THSD7B: variants seen among roughly 807,000 people sequenced by gnomAD.
THSD7B encodes the protein thrombospondin type 1 domain containing 7B.
A neutral mutation model predicts 213.6 loss-of-function variants in THSD7B; 138 were observed. The ratio of observed to expected loss-of-function variants is 0.65; its 90% CI spans 0.56 to 0.74. The LOEUF (loss-of-function observed/expected upper bound fraction) is 0.74, where lower values mean the gene tolerates loss of function less well. Among genes scored for constraint, THSD7B ranks in the 30% least tolerant of loss-of-function variants. The probability of loss-of-function intolerance (pLI) is 0.00; values close to 1 mark genes in which losing one functional copy is unlikely to be tolerated. For missense variants in THSD7B, 1,931 were observed against 1,991.5 expected (o/e 0.97, Z 0.58); for synonymous variants, 742 against 687.0 (o/e 1.08, Z -1.25).
chr2:137,132,325 A>G (rs1278636795), intron 5 of THSD7B, among the ~76,000 whole-genome samples: 8 of 151,434 alleles, frequency 5.3e-5, no homozygotes, highest in African/African-American at 1.9e-4. Context: ...GTCGTCTGCA[A>G]ACAGGGACAA....
intron 2 of THSD7B, among the ~76,000 whole-genome samples, chr2:136,989,960 T>G (rs1685739010): frequency 6.6e-6 from 1 of 152,234 alleles, no homozygotes; most frequent in African/African-American, 2.4e-5. Context: ...CTTGATGCTT[T>G]CTTTCTTTAT....
intron 2 of THSD7B, among the ~76,000 whole-genome samples, chr2:136,978,079 G>A (rs574212809): frequency 5.9e-5 from 9 of 152,250 alleles, no homozygotes; most frequent in African/African-American, 7.2e-5. Context: ...GATTACAGGC[G>A]TGAGCCACTG....
intron 13 of THSD7B, 120 bp downstream of exon 13, chr2:137,405,927 G>A (rs183404826): frequency 7.2e-5 from 57 of 786,218 alleles, no homozygotes; most frequent in Admixed American, 1.3e-4. Context: ...CTCTCCATTC[G>A]TTAATACATA....
intron 12 of THSD7B, among the ~76,000 whole-genome samples, chr2:137,340,138 A>T (rs1485244827): frequency 6.6e-6 from 1 of 151,880 alleles, no homozygotes; most frequent in East Asian, 1.9e-4. Flanking sequence ...TTTTATCTTG[A>T]ACTGAGATTC....
intron 21 of THSD7B, among the ~76,000 whole-genome samples, chr2:137,650,321 G>T (rs894393515): frequency 1.3e-5 from 2 of 151,972 alleles, no homozygotes; most frequent in Non-Finnish European, 2.9e-5. Context: ...TGATTTGCAG[G>T]TGTTTTATAT....
intron 5 of THSD7B, among the ~76,000 whole-genome samples, chr2:137,129,609 T>A (rs1688691499): frequency 6.6e-6 from 1 of 151,852 alleles, no homozygotes; most frequent in South Asian, 2.1e-4. Context: ...CTAGCTAATT[T>A]AAAAAAATAG....
intron 21 of THSD7B, among the ~76,000 whole-genome samples, chr2:137,652,538 A>T (rs898402602): frequency 6.6e-6 from 1 of 152,116 alleles, no homozygotes; most frequent in Non-Finnish European, 1.5e-5. Context: ...TTAAATGGAA[A>T]ATTGAGTCTA....
chr2:137,426,554 A>G (rs529300234), intron 14 of THSD7B, among the ~76,000 whole-genome samples: 104 of 152,322 alleles, frequency 6.8e-4, no homozygotes, highest in African/African-American at 2.4e-3. Flanking sequence ...CAAAGTTACC[A>G]AGAATACACA....
chr2:137,554,270 C>A (rs79603542), intron 15 of THSD7B, among the ~76,000 whole-genome samples: 5,637 of 152,138 alleles, frequency 0.037, 168 homozygotes, highest in Admixed American at 0.083. Flanking sequence ...TTCAATTCAA[C>A]CAATATTTAT....
At chr2:137,264,009 TC>T (rs1322388001) in intron 10 of THSD7B, among the ~76,000 whole-genome samples, 1 of 152,244 alleles carries the variant, frequency 6.6e-6, no homozygotes, top group Non-Finnish European at 1.5e-5. Context: ...AAGTTTCACT[TC>T]TGCTGCACTG....
At chr2:137,581,402 A>G (rs1681571947) in intron 17 of THSD7B, among the ~76,000 whole-genome samples, 1 of 152,132 alleles carries the variant, frequency 6.6e-6, no homozygotes, top group African/African-American at 2.4e-5. Context: ...AGCCTTCCCA[A>G]CATGGCAAAA....
At chr2:136,985,672 G>A (rs536924092) in intron 2 of THSD7B, among the ~76,000 whole-genome samples, 2 of 152,342 alleles carry the variant, frequency 1.3e-5, no homozygotes, top group South Asian at 4.1e-4. Context: ...TGAGGCTGGA[G>A]CCCCCACACA....
intron 15 of THSD7B, among the ~76,000 whole-genome samples, chr2:137,554,082 T>A (rs182833570): frequency 4.6e-5 from 7 of 151,708 alleles, no homozygotes; most frequent in Non-Finnish European, 7.4e-5. Context: ...AATGACATAG[T>A]GAGATTGCTG....
At chr2:137,205,692 T>C (rs985302220) in intron 7 of THSD7B, among the ~76,000 whole-genome samples, 2 of 152,080 alleles carry the variant, frequency 1.3e-5, no homozygotes, top group Non-Finnish European at 1.5e-5. Context: ...ATCGAGGTGA[T>C]GGAAACAGCT....
intron 7 of THSD7B, among the ~76,000 whole-genome samples, chr2:137,179,519 A>G (rs1472970648): frequency 6.6e-6 from 1 of 152,068 alleles, no homozygotes; most frequent in Non-Finnish European, 1.5e-5. Flanking sequence ...AAAAGTAATC[A>G]GAGGTTTACA....
At chr2:137,427,587 A>G (rs908869633) in intron 14 of THSD7B, among the ~76,000 whole-genome samples, 1 of 152,118 alleles carries the variant, frequency 6.6e-6, no homozygotes, top group South Asian at 2.1e-4. Flanking sequence ...TAAGCCAGAC[A>G]CAGAAAGACA....
chr2:137,556,081 G>T (rs1290228470), intron 15 of THSD7B, among the ~76,000 whole-genome samples: 4 of 152,170 alleles, frequency 2.6e-5, no homozygotes, highest in Non-Finnish European at 4.4e-5. Flanking sequence ...GTACGTAAAA[G>T]TGATGGAGAG....
intron 2 of THSD7B, among the ~76,000 whole-genome samples, chr2:136,957,028 A>T (rs1305556235): frequency 1.3e-5 from 2 of 151,964 alleles, no homozygotes; most frequent in Non-Finnish European, 2.9e-5. Flanking sequence ...GATCTGGCCC[A>T]CCCAACGTTC....
At chr2:137,425,908 A>G (rs1447567702) in intron 14 of THSD7B, among the ~76,000 whole-genome samples, 2 of 152,342 alleles carry the variant, frequency 1.3e-5, no homozygotes, top group East Asian at 1.9e-4. Flanking sequence ...CCCTGTTTGC[A>G]GATGGCTTGA....
Sources: gnomAD v4.1 joint callset for allele counts (sites outside exome capture counted in the v4.1 genomes callset) on GRCh38, gnomAD v4.1.1 for gene constraint, MANE v1.5 for transcripts, NCBI Gene and HGNC (gene_info 2026-07-23, HGNC 2026-07-21) for gene names.